The following NRAP variants were observed in gnomAD, a reference collection of about 807,000 sequenced individuals.
NRAP encodes the protein nebulin-related-anchoring protein.
Under a neutral mutation model 225.9 loss-of-function variants are expected in NRAP, and 189 were observed. The observed-to-expected ratio is 0.84, with a 90% CI of 0.74 to 0.94. The LOEUF is 0.94. Ranked by LOEUF, NRAP falls within the 40% of genes least tolerant of loss-of-function variation. NRAP has a pLI of 0.00. For synonymous variants in NRAP, 769 were observed against 790.7 expected, an observed-to-expected ratio of 0.97 and a Z score of 0.46; for missense variants, 2,176 against 2,168.7, an observed-to-expected ratio of 1.00 and a Z score of -0.07.
At chr10:113,641,564 T>C in intron 12 of NRAP, 92 bp from the exon 13 acceptor site, 1 of 729,140 alleles carries the variant, frequency 1.4e-6, no homozygotes, top group Non-Finnish European at 2.4e-6. Context: ...ATCCAAGGCA[T>C]AAATGATTAA....
chr10:113,660,051 A>AACAC (rs142938392), intron 3 of NRAP, among the ~76,000 whole-genome samples: 5,283 of 144,290 alleles, frequency 0.037, 134 homozygotes, highest in East Asian at 0.11. Context: ...CTCAGTAGAC[A>AACAC]ACACACACAC....
intron 25 of NRAP, among the ~76,000 whole-genome samples, chr10:113,618,350 C>CTGGTTG (rs1445898937): frequency 1.3e-5 from 2 of 152,202 alleles, no homozygotes; most frequent in African/African-American, 4.8e-5. Flanking sequence ...TCTTCTTTAT[C>CTGGTTG]TGGTTGGATT....
chr10:113,589,272 T>C (rs1469052471), intron 41 of NRAP, 193 bp from the exon 42 acceptor site: 3 of 592,952 alleles, frequency 5.1e-6, no homozygotes, highest in Admixed American at 3.1e-5. Flanking sequence ...AGCCAATCTC[T>C]CATTTAGACC....
rs1109927 is a variant in NRAP, at chr10:113,663,988, G to A, written c.-106C>T. ...AAAATCCGACGACCATAAAATTCCT[G>A]TGGGCACCTCGATCTTTCAGAATCC... On this transcript the variant is annotated 5_prime_UTR_variant, in exon 1 of 42. Coordinates refer to ENST00000359988, the MANE Select transcript of NRAP (RefSeq NM_198060.4). 209,732 of 823,434 alleles carry A rather than the reference G, an allele frequency of 0.25. 28,504 individuals carry two copies. Among genetic ancestry groups the A allele is most frequent in the African/African-American group, 0.4 (23,769 of 58,772 alleles). The allele number at this position is 823,434 out of a possible 1,614,324, so 51.0% of individuals were successfully genotyped here. A position where few individuals can be genotyped will look rare whatever the true frequency, so the allele number is the denominator to read the frequency against.
chr10:113,624,768 C>T, intron 22 of NRAP, 58 bp downstream of exon 22: 2 of 1,236,974 alleles, frequency 1.6e-6, no homozygotes, highest in South Asian at 2.5e-5. Flanking sequence ...CTTGGTTTAC[C>T]AGGTGGCTAT....
chr10:113,650,618 G>A, intron 7 of NRAP, 73 bp from the exon 8 acceptor site: 1 of 1,020,326 alleles, frequency 9.8e-7, no homozygotes, highest in Non-Finnish European at 1.5e-6. Flanking sequence ...TCTGCTAAGG[G>A]TTCCATGACA....
In NRAP at chr10:113,631,929, C is replaced by T. The variant is rs779154398; in HGVS notation, c.1668G>A (p.Gly556=). The change falls in exon 17 of 42, where the codon GGG becomes GGA. Residue 556 remains glycine, a synonymous_variant. Transcript: ENST00000359988. ...KYKEGWEKTK[G]KGFEMKLDAM... is the part of the protein sequence containing the mutation. The stretch of plus-strand genomic sequence containing the variant: ...CATCCAGCTTCATCTCAAATCCTTT[C>T]CCCTTTGTCTTCTCCCAGCCTTCTT... 2 of 1,613,230 alleles carry T rather than the reference C, an allele frequency of 1.2e-6. No individual in the cohort carries two copies. Among genetic ancestry groups the T allele is most frequent in the African/African-American group, 2.7e-5 (2 of 74,896 alleles).
intron 33 of NRAP, 52 bp from the exon 34 acceptor site, chr10:113,605,921 A>G (rs1221065077): frequency 7.8e-7 from 1 of 1,287,652 alleles, no homozygotes; most frequent in African/African-American, 1.5e-5. Context: ...TGAATCAACG[A>G]GCAAAGGCCA....
chr10:113,606,826 GA>G (rs1249911195), intron 32 of NRAP, among the ~76,000 whole-genome samples: 1 of 151,988 alleles, frequency 6.6e-6, no homozygotes, highest in East Asian at 1.9e-4. Flanking sequence ...TCAGCACTTT[GA>G]GTGGATGAGG....
chr10:113,635,830 T>A (rs1410161094), intron 14 of NRAP, among the ~76,000 whole-genome samples: 1 of 152,252 alleles, frequency 6.6e-6, no homozygotes, highest in Non-Finnish European at 1.5e-5. Flanking sequence ...ACCTGGTTCC[T>A]TTCATTCATC....
rs997641166 is a variant in NRAP at position 113,619,376 on chromosome 10, T to G, written c.2874+1228A>C. ...CCAGAGGGCCTCTCCTGAACTAGAA[T>G]GAACAAATTATAGCAGTGCTATCCC... is the stretch of plus-strand genomic sequence containing the variant. On this transcript the variant is annotated intron_variant, in intron 25 of 41. Coordinates refer to ENST00000359988, the MANE Select transcript of NRAP (RefSeq NM_198060.4). Among the ~76,000 whole-genome samples, 9 of 152,220 alleles carry G rather than the reference T, an allele frequency of 5.9e-5. No individual in the cohort carries two copies. In the East Asian group the frequency reaches 1.7e-3, roughly 29 times the overall value.
chr10:113,633,703 G>T (rs921076770), intron 15 of NRAP, among the ~76,000 whole-genome samples: 4 of 151,986 alleles, frequency 2.6e-5, no homozygotes, highest in Non-Finnish European at 5.9e-5. Flanking sequence ...TTAGATTTTT[G>T]ATGTGATATG....
Position 113,604,924 on chromosome 10 carries a change from C to T in NRAP, c.3916-4G>A, listed in dbSNP as rs1846858837. 6.2e-7 allele frequency: 1 copy of T among 1,607,112 alleles called. No homozygotes were observed. Among genetic ancestry groups the T allele is most frequent in the Non-Finnish European group, 8.5e-7 (1 of 1,174,992 alleles). ...CAAAGTCATGTCTGTAGAGAAACTG[C>T]AAGAAAGGGCTGGCCGGTCAAATTC... On this transcript the variant is annotated splice_polypyrimidine_tract_variant and splice_region_variant and intron_variant, in intron 34 of 41. Transcript: ENST00000359988.
At chr10:113,632,877 T>C (rs965325397) in intron 16 of NRAP, among the ~76,000 whole-genome samples, 1 of 152,232 alleles carries the variant, frequency 6.6e-6, no homozygotes, top group African/African-American at 2.4e-5. Context: ...CATGCTCATA[T>C]AATGGGAATA....
intron 13 of NRAP, 54 bp downstream of exon 13, chr10:113,641,311 T>G: frequency 9.5e-7 from 1 of 1,055,586 alleles, no homozygotes; most frequent in Non-Finnish European, 1.4e-6. Flanking sequence ...TTGGCTGAAT[T>G]CTTCATGCCC....
intron 35 of NRAP, among the ~76,000 whole-genome samples, chr10:113,603,418 G>A (rs1472567972): frequency 1.3e-5 from 2 of 152,038 alleles, no homozygotes; most frequent in African/African-American, 4.8e-5. Flanking sequence ...ATGGCTCCCT[G>A]CTCTGAGCTC....
intron 38 of NRAP, among the ~76,000 whole-genome samples, chr10:113,592,746 C>G (rs1846064668): frequency 6.6e-6 from 1 of 152,224 alleles, no homozygotes; most frequent in Admixed American, 6.5e-5. Context: ...GCTCCACTGA[C>G]ATCCGGAGGG....
chr10:113,605,077 T>G (rs1846872880), intron 34 of NRAP, among the ~76,000 whole-genome samples, 157 bp from the exon 35 acceptor site: 1 of 152,080 alleles, frequency 6.6e-6, no homozygotes, highest in Admixed American at 6.6e-5. Flanking sequence ...GATGAACAAT[T>G]AAAACATCGC....
At chr10:113,660,054 AC>A (rs1850563286) in intron 3 of NRAP, among the ~76,000 whole-genome samples, 5 of 91,114 alleles carry the variant, frequency 5.5e-5, no homozygotes, top group Non-Finnish European at 9.8e-5. Context: ...AGTAGACAAC[AC>A]ACACACACAC....
Sources: allele counts gnomAD v4.1 joint callset (sites outside exome capture counted in the v4.1 genomes callset), GRCh38; gene constraint gnomAD v4.1.1; transcripts MANE v1.5; gene names NCBI Gene and HGNC (gene_info 2026-07-23, HGNC 2026-07-21).